Variants in TRIB3 observed in about 807,000 individuals in gnomAD.
TRIB3 encodes the protein tribbles pseudokinase 3.
TRIB3 carries 20 observed loss-of-function variants against 16.6 expected under a neutral mutation model. The observed-to-expected ratio is 1.20, with a 90% CI of 0.85 to 1.75. The LOEUF (loss-of-function observed/expected upper bound fraction) is 1.75, where lower values mean the gene tolerates loss of function less well. Among genes scored for constraint, TRIB3 ranks in the 40% most tolerant of loss-of-function variants. The probability of loss-of-function intolerance (pLI) is 0.00; values close to 1 mark genes in which losing one functional copy is unlikely to be tolerated. For synonymous variants in TRIB3, 208 were observed against 217.0 expected (o/e 0.96, Z 0.36); for missense variants, 484 against 488.9 (o/e 0.99, Z 0.10).
In TRIB3 at chr20:388,124, GCCCCAGCCCAGACTGC is replaced by G; in HGVS notation, c.119_134del (p.Gln40ProfsTer6). 11 of 1,614,092 alleles carry G rather than the reference GCCCCAGCCCAGACTGC, an allele frequency of 6.8e-6. No homozygotes were observed. Among genetic ancestry groups the G allele is most frequent in the Non-Finnish European group, 9.3e-6 (11 of 1,180,036 alleles). On this transcript the variant is annotated frameshift_variant, in exon 2 of 4. Transcript: ENST00000217233. LOFTEE classifies it high-confidence loss of function. Reference sequence around the variant, plus strand: ...CCGTCCAGAAACGAGCTCGAAGTGGGCCCCAGCCCAGACTGCCCCCCTGCCTGTTGCCCCTGAGCCC... The same window carrying G: ...CCGTCCAGAAACGAGCTCGAAGTGGGCCCCCTGCCTGTTGCCCCTGAGCCC...
chr20:381,722 G>C (rs2014656473), intron 1 of TRIB3, among the ~76,000 whole-genome samples: 2 of 144,316 alleles, frequency 1.4e-5, no homozygotes, highest in African/African-American at 5.0e-5. Flanking sequence ...GGACACCGCC[G>C]GGACAGGGCT....
At position 396,750 on chromosome 20, in the gene TRIB3, C is replaced by A. The variant is rs900423317; in HGVS notation, c.*60C>A. ...GATTGAGTTTGGGGGTAGCTCCAAG[C>A]CTTCTCCTGCCTCTGAACTGAGCCA... On this transcript the variant is annotated 3_prime_UTR_variant, in exon 4 of 4. Coordinates refer to ENST00000217233, the MANE Select transcript of TRIB3 (RefSeq NM_021158.5). 9 of 1,540,038 alleles carry A rather than the reference C, an allele frequency of 5.8e-6. No homozygotes were observed. The South Asian group carries it at 6.3e-5, about 11-fold the overall frequency.
chr20:393,456 T>C (rs1383743995), intron 3 of TRIB3, among the ~76,000 whole-genome samples: 1 of 152,092 alleles, frequency 6.6e-6, no homozygotes, highest in Non-Finnish European at 1.5e-5. Flanking sequence ...CTCAGCCTCC[T>C]GAGTAGTTGG....
intron 3 of TRIB3, among the ~76,000 whole-genome samples, chr20:392,727 T>C (rs2015015518): frequency 6.6e-6 from 1 of 152,056 alleles, no homozygotes; most frequent in South Asian, 2.1e-4. Flanking sequence ...TGGCTCATTT[T>C]TTCTATGTTT....
In TRIB3 at chr20:388,087, A is replaced by G. The variant is rs2014868791; in HGVS notation, c.77A>G (p.Asp26Gly). 1 of 1,614,114 alleles carries G rather than the reference A, an allele frequency of 6.2e-7. No homozygotes were observed. Among genetic ancestry groups the G allele is most frequent in the African/African-American group, 1.3e-5 (1 of 75,044 alleles). ...CGGTTGGAGTTGGATGACAACTTAG[A>G]TACCGAGCGTCCCGTCCAGAAACGA... The part of the protein sequence containing the change: ...KKRLELDDNL[D>G]TERPVQKRAR... The change falls in exon 2 of 4, where the codon GAT (aspartate) becomes GGT (glycine). Residue 26 changes from aspartate to glycine, a missense_variant. Physicochemically the swap from Asp to Gly is moderately conservative, Grantham distance 94. Coordinates refer to ENST00000217233, the MANE Select transcript of TRIB3 (RefSeq NM_021158.5).
chr20:382,296 G>C, intron 1 of TRIB3: 1 of 502,038 alleles, frequency 2.0e-6, no homozygotes, highest in East Asian at 3.1e-5. Context: ...TATAGACTCA[G>C]TTACCGCATC....
chr20:382,092 G>C (rs2014671770), intron 1 of TRIB3, among the ~76,000 whole-genome samples: 1 of 144,282 alleles, frequency 6.9e-6, no homozygotes, highest in Non-Finnish European at 1.5e-5. Context: ...TGTGACAGCT[G>C]GGAGGGCTGT....
chr20:393,824 C>A (rs1335542155), intron 3 of TRIB3, among the ~76,000 whole-genome samples: 1 of 152,112 alleles, frequency 6.6e-6, no homozygotes, highest in African/African-American at 2.4e-5. Context: ...TTGGTTAGGG[C>A]AGGACCTACC....
At chr20:384,671 T>A (rs964019381) in intron 1 of TRIB3, among the ~76,000 whole-genome samples, 4 of 152,212 alleles carry the variant, frequency 2.6e-5, no homozygotes, top group African/African-American at 9.6e-5. Context: ...CTTCAATAGA[T>A]GTTTATTTCT....
At position 382,711 on chromosome 20, in the gene TRIB3, C is replaced by T. The variant is rs1457975303; in HGVS notation, c.-1+1542C>T. 1.5e-5 allele frequency: 14 copies of T among 913,114 alleles called. No individual in the cohort carries two copies. In the East Asian group the frequency reaches 2.9e-4, roughly 19 times the overall value. 56.6% of individuals were successfully genotyped at this position (913,114 alleles called of 1,614,324 possible). A position where few individuals can be genotyped will look rare whatever the true frequency, so the allele number is the denominator to read the frequency against. The stretch of plus-strand genomic sequence containing the variant: ...AGCTTTGCATCCTGTTCCCACTTTA[C>T]AGGAACTGAGGCTCAGAAAGCTTGA... On this transcript the variant is annotated intron_variant, in intron 1 of 3. Transcript: ENST00000217233.
Position 388,186 on chromosome 20 carries a change from C to T in TRIB3, c.176C>T (p.Ala59Val), listed in dbSNP as rs1454927427. 2 of 1,614,020 alleles carry T rather than the reference C, an allele frequency of 1.2e-6. No homozygotes were observed. The highest frequency in any genetic ancestry group is 1.7e-6 in the Non-Finnish European group (2 of 1,180,028). ...AGCCCACCTACTGCTCCAGATCGTG[C>T]AACTGCTGTGGCCACTGCCTCCCGT... ...PLSPPTAPDRATAVATASRLG... is the reference protein window; with the variant it reads ...PLSPPTAPDRVTAVATASRLG... The change falls in exon 2 of 4, where the codon GCA (alanine) becomes GTA (valine). Residue 59 changes from alanine to valine, a missense_variant. Coordinates refer to ENST00000217233, the MANE Select transcript of TRIB3 (RefSeq NM_021158.5).
intron 1 of TRIB3, chr20:381,421 C>T (rs1422316752): frequency 6.5e-6 from 1 of 153,068 alleles, no homozygotes; most frequent in African/African-American, 2.4e-5. Flanking sequence ...CGTGGGGTCG[C>T]CCGAGTTGGG....
chr20:396,385 C>T lies in TRIB3; in HGVS notation c.772C>T (p.His258Tyr), dbSNP rs760450429. The part of the protein sequence containing the change: ...GVALFTMLAG[H>Y]YPFQDSEPVL... ...GGCGCTCTTCACCATGCTGGCCGGC[C>T]ACTACCCCTTCCAGGACTCGGAGCC... The change falls in exon 4 of 4, where the codon CAC becomes TAC. Residue 258 changes from histidine (H) to tyrosine (Y), a missense_variant. Transcript: ENST00000217233. 2.5e-6 allele frequency: 4 copies of T among 1,613,448 alleles called. No individual in the cohort carries two copies. In the African/African-American group the frequency reaches 5.3e-5, roughly 22 times the overall value.
rs758315948 is a variant in TRIB3, at chr20:382,506, C to T, written c.-1+1337C>T. The T allele has an allele frequency of 3.9e-6, 6 of 1,534,534 alleles. No homozygotes were observed. The South Asian group carries it at 6.0e-5, about 15-fold the overall frequency. ...AGCCTTGAGATGTAAGGAGTGTCAT[C>T]CCAGCCTCGAACCTGGGGAGCTTTC... On this transcript the variant is annotated intron_variant, in intron 1 of 3. Coordinates refer to ENST00000217233, the MANE Select transcript of TRIB3 (RefSeq NM_021158.5).
intron 2 of TRIB3, among the ~76,000 whole-genome samples, chr20:391,001 C>CAA (rs11374668): frequency 0.19 from 15,711 of 84,916 alleles, 2,109 homozygotes; most frequent in Non-Finnish European, 0.21. Context: ...GACTCCGTCT[C>CAA]AAAAAAAAAA....
intron 2 of TRIB3, among the ~76,000 whole-genome samples, chr20:391,001 C>CGAAAAAA (rs747388615): frequency 1.2e-5 from 1 of 85,780 alleles, no homozygotes. Flanking sequence ...GACTCCGTCT[C>CGAAAAAA]AAAAAAAAAA....
intron 1 of TRIB3, among the ~76,000 whole-genome samples, chr20:382,026 T>C (rs2014669148): frequency 7.1e-6 from 1 of 140,378 alleles, no homozygotes; most frequent in East Asian, 2.5e-4. Context: ...GGGAGGGGCC[T>C]GGCTGCGGGG....
chr20:381,822 T>C (rs2014661328), intron 1 of TRIB3, among the ~76,000 whole-genome samples: 1 of 152,076 alleles, frequency 6.6e-6, no homozygotes, highest in African/African-American at 2.4e-5. Flanking sequence ...TTCTCCCCAG[T>C]GCGCGGCTCC....
rs2015133657 is a variant in TRIB3, at chr20:396,505, C to CG, written c.895dup (p.Glu299GlyfsTer4). On this transcript the variant is annotated frameshift_variant, in exon 4 of 4. Transcript: ENST00000217233. LOFTEE classifies it low-confidence loss of function (END_TRUNC). Reference sequence around the variant, plus strand: ...CTGTCTGGTTCGCTGCCTCCTTCGTCGGGAGCCAGCTGAACGGCTCACAGC... The same window carrying CG: ...CTGTCTGGTTCGCTGCCTCCTTCGTCGGGGAGCCAGCTGAACGGCTCACAGC... 1 of 1,613,084 alleles carries CG rather than the reference C, an allele frequency of 6.2e-7. No homozygotes were observed. The highest frequency in any genetic ancestry group is 1.3e-5 in the African/African-American group (1 of 75,074).
Sources: gnomAD v4.1 joint callset for allele counts (sites outside exome capture counted in the v4.1 genomes callset) on GRCh38, gnomAD v4.1.1 for gene constraint, MANE v1.5 for transcripts, NCBI Gene and HGNC (gene_info 2026-07-23, HGNC 2026-07-21) for gene names.